NCOR1: variants seen among roughly 807,000 people sequenced by gnomAD.
NCOR1 encodes the protein protein phosphatase 1, regulatory subunit 109.
A neutral mutation model predicts 288.1 loss-of-function variants in NCOR1; 63 were observed. That is an observed-to-expected ratio of 0.22 (90% confidence interval 0.18 to 0.27). NCOR1 has a LOEUF of 0.27. Ranked by LOEUF, NCOR1 falls within the 10% of genes least tolerant of loss-of-function variation. The probability of loss-of-function intolerance (pLI) is 1.00; values close to 1 mark genes in which losing one functional copy is unlikely to be tolerated. For missense variants in NCOR1, 2,397 were observed against 3,019.2 expected, an observed-to-expected ratio of 0.79 and a Z score of 4.83; for synonymous variants, 1,007 against 1,065.9, an observed-to-expected ratio of 0.94 and a Z score of 1.08.
intron 4 of NCOR1, among the ~76,000 whole-genome samples, chr17:16,171,055 T>C (rs2083059352): frequency 6.6e-6 from 1 of 152,120 alleles, no homozygotes; most frequent in African/African-American, 2.4e-5. Context: ...TATTATATAT[T>C]TAAAAATTGC....
rs1017287107 is a variant in NCOR1 at position 16,031,505 on chromosome 17, G to A, written c.*791C>T. 2 of 204,972 alleles carry A rather than the reference G, an allele frequency of 9.8e-6. No individual in the cohort carries two copies. The highest frequency in any genetic ancestry group is 3.8e-4 in the South Asian group (2 of 5,294). 12.7% of individuals were successfully genotyped at this position (204,972 alleles called of 1,614,324 possible). On this transcript the variant is annotated 3_prime_UTR_variant, in exon 46 of 46. Coordinates refer to ENST00000268712, the MANE Select transcript of NCOR1 (RefSeq NM_006311.4). ...TTAGGGGCATGGTTAAATTACCAGT[G>A]TGCGTAACAGTGAGGTATGCCTCAA...
chr17:16,029,426 G>A lies in NCOR1; in HGVS notation c.*2870C>T. On this transcript the variant is annotated 3_prime_UTR_variant, in exon 46 of 46. Transcript: ENST00000268712. ...TGTCCAATGGTCACTGGAGTTTTCT[G>A]GGCATAAATATTTTTAAAATAGAAT... is the stretch of plus-strand genomic sequence containing the variant. 3.5e-6 allele frequency: 1 copy of A among 283,932 alleles called. No individual in the cohort carries two copies. Among genetic ancestry groups the A allele is most frequent in the South Asian group, 3.3e-5 (1 of 30,226 alleles). The allele number at this position is 283,932 out of a possible 1,614,324, so 17.6% of individuals were successfully genotyped here. A position where few individuals can be genotyped will look rare whatever the true frequency, so the allele number is the denominator to read the frequency against.
chr17:16,096,006 C>G (rs961746098), intron 21 of NCOR1, among the ~76,000 whole-genome samples: 1 of 152,088 alleles, frequency 6.6e-6, no homozygotes, highest in Non-Finnish European at 1.5e-5. Context: ...GCCTTGGGAT[C>G]CTGTTGATCT....
chr17:16,131,911 A>G (rs10451230), intron 14 of NCOR1, among the ~76,000 whole-genome samples: 1 of 152,010 alleles, frequency 6.6e-6, no homozygotes, highest in African/African-American at 2.4e-5. Flanking sequence ...AGTATCACTG[A>G]CCCCACTCTC....
intron 6 of NCOR1, among the ~76,000 whole-genome samples, chr17:16,156,947 T>C (rs1023732100): frequency 1.3e-5 from 2 of 152,072 alleles, no homozygotes; most frequent in African/African-American, 4.8e-5. Flanking sequence ...ATCCAATTTA[T>C]TTGAAAAATA....
intron 1 of NCOR1, among the ~76,000 whole-genome samples, chr17:16,201,364 C>T (rs962931500): frequency 1.1e-4 from 17 of 150,130 alleles, no homozygotes; most frequent in African/African-American, 3.2e-4. Flanking sequence ...TTTGGGAGGC[C>T]GAGGCAAGTG....
At position 16,147,599 on chromosome 17, in the gene NCOR1, C is replaced by G. The variant is rs115108035; in HGVS notation, c.910-1051G>C. Among the ~76,000 whole-genome samples, 768 of 152,266 alleles carry G rather than the reference C, an allele frequency of 5.0e-3. 4 individuals carry two copies. Among genetic ancestry groups the G allele is most frequent in the African/African-American group, 0.018 (728 of 41,546 alleles). ...GTGAGGAAGGGTTCATGAAAAACTG[C>G]TAACATGGTCATCTTAAGAAAGTGG... On this transcript the variant is annotated intron_variant, in intron 9 of 45. Transcript: ENST00000268712.
chr17:16,197,073 G>A (rs1051929209), intron 1 of NCOR1, among the ~76,000 whole-genome samples: 8 of 151,852 alleles, frequency 5.3e-5, no homozygotes, highest in Admixed American at 2.0e-4. Flanking sequence ...GGTGGCTCAC[G>A]CACTTTAGGA....
In NCOR1 at chr17:16,127,587, A is replaced by C. The variant is rs149846687; in HGVS notation, c.1510-1381T>G. Among the ~76,000 whole-genome samples, 10 of 143,168 alleles carry C rather than the reference A, an allele frequency of 7.0e-5. No individual in the cohort carries two copies. In the East Asian group the frequency reaches 1.9e-3, roughly 28 times the overall value. The allele number at this position is 143,168 out of a possible 152,430, so 93.9% of individuals were successfully genotyped here. A position where few individuals can be genotyped will look rare whatever the true frequency, so the allele number is the denominator to read the frequency against. ...TATGTATGTATATATACATATGTGT[A>C]TATATGTATGTATACATACATATGT... On this transcript the variant is annotated intron_variant, in intron 14 of 45. Coordinates refer to ENST00000268712, the MANE Select transcript of NCOR1 (RefSeq NM_006311.4).
chr17:16,040,456 C>T lies in NCOR1; in HGVS notation c.6718G>A (p.Ala2240Thr). 1 of 1,613,728 alleles carries T rather than the reference C, an allele frequency of 6.2e-7. No homozygotes were observed. The highest frequency in any genetic ancestry group is 8.5e-7 in the Non-Finnish European group (1 of 1,179,878). The change falls in exon 43 of 46, where the codon GCA becomes ACA. Residue 2240 changes from alanine (A) to threonine (T), a missense_variant. Coordinates refer to ENST00000268712, the MANE Select transcript of NCOR1 (RefSeq NM_006311.4). Reference sequence around the variant, plus strand: ...TCAATCTTACCTGACGTAGTAACTGCTGGCAGATTAAAGATCTCAGTTCCT... The same window carrying T: ...TCAATCTTACCTGACGTAGTAACTGTTGGCAGATTAAAGATCTCAGTTCCT... ...QPGTEIFNLPAVTTSGSVSSR... is the reference protein window; with the variant it reads ...QPGTEIFNLPTVTTSGSVSSR...
chr17:16,145,363 G>A (rs931139790), intron 10 of NCOR1, among the ~76,000 whole-genome samples: 2 of 150,484 alleles, frequency 1.3e-5, no homozygotes, highest in Non-Finnish European at 2.9e-5. Flanking sequence ...GACGCCCATC[G>A]TCTGGGATGT....
intron 40 of NCOR1, among the ~76,000 whole-genome samples, chr17:16,054,916 G>T (rs1223652343): frequency 6.6e-6 from 1 of 151,964 alleles, no homozygotes; most frequent in African/African-American, 2.4e-5. Context: ...TGGGCAACAG[G>T]GCAAGACTCT....
In NCOR1 at chr17:16,057,971, T is replaced by G. The variant is rs1175520799; in HGVS notation, c.6104A>C (p.Gln2035Pro). The change falls in exon 39 of 46, where the codon CAG becomes CCG. Residue 2035 changes from glutamine to proline, a missense_variant. By Grantham distance (76) the Gln-to-Pro change is moderately conservative (BLOSUM62 -1). Around this residue, in one of 11 missense-constraint regions of NCOR1, gnomAD observed 1,872 missense variants for 2,187.8 expected, o/e 0.86. Coordinates refer to ENST00000268712, the MANE Select transcript of NCOR1 (RefSeq NM_006311.4). Reference sequence around the variant, plus strand: ...GGGCACTTGCCCCATTCCCTCTGCCTGTGAAGAAGGGGGCAGCTGTTGTTG... The same window carrying G: ...GGGCACTTGCCCCATTCCCTCTGCCGGTGAAGAAGGGGGCAGCTGTTGTTG... ...SPQQQLPPSSQAEGMGQVPRT... is the reference protein window; with the variant it reads ...SPQQQLPPSSPAEGMGQVPRT... The G allele has an allele frequency of 6.2e-7, 1 of 1,614,166 alleles. No individual in the cohort carries two copies. Among genetic ancestry groups the G allele is most frequent in the Non-Finnish European group, 8.5e-7 (1 of 1,180,010 alleles).
chr17:16,184,801 T>C (rs1449044761), intron 3 of NCOR1, among the ~76,000 whole-genome samples: 1 of 151,970 alleles, frequency 6.6e-6, no homozygotes, highest in Non-Finnish European at 1.5e-5. Context: ...ATAGCCAAGA[T>C]ATAAAAACAA....
At chr17:16,119,393 A>G in intron 17 of NCOR1, 30 bp downstream of exon 17, 1 of 1,542,074 alleles carries the variant, frequency 6.5e-7, no homozygotes, top group Non-Finnish European at 8.9e-7. Flanking sequence ...CAAAACAAAA[A>G]CCTGAGAAAC....
At chr17:16,049,077 CAGG>C (rs2152475492) in intron 40 of NCOR1, 89 bp from the exon 41 acceptor site, 2 of 1,355,658 alleles carry the variant, frequency 1.5e-6, no homozygotes, top group South Asian at 1.7e-5. Flanking sequence ...TGACTTCATT[CAGG>C]AGAAGGAGCA....
intron 4 of NCOR1, among the ~76,000 whole-genome samples, chr17:16,169,034 A>C (rs2082605356): frequency 6.6e-6 from 1 of 152,224 alleles, no homozygotes; most frequent in Admixed American, 6.5e-5. Context: ...AATGTATGAC[A>C]ATTGATTAAA....
intron 21 of NCOR1, among the ~76,000 whole-genome samples, chr17:16,092,968 T>C (rs2065685070): frequency 6.6e-6 from 1 of 151,668 alleles, no homozygotes; most frequent in Non-Finnish European, 1.5e-5. Flanking sequence ...CCTCCCGAAA[T>C]GCTGGAATTA....
chr17:16,039,796 C>CTT, intron 43 of NCOR1, 142 bp from the exon 44 acceptor site: 4 of 686,280 alleles, frequency 5.8e-6, no homozygotes, highest in African/African-American at 1.8e-5. Context: ...ACACAGAGAC[C>CTT]TTTTTTTTTG....
Sources: gnomAD v4.1 joint callset for allele counts (sites outside exome capture counted in the v4.1 genomes callset) on GRCh38, gnomAD v4.1.1 for gene constraint, gnomAD v4.1.1 regional missense constraint, MANE v1.5 for transcripts, NCBI Gene and HGNC (gene_info 2026-07-23, HGNC 2026-07-21) for gene names.